AFF4: variants seen among roughly 807,000 people sequenced by gnomAD.
The protein encoded by AFF4 is AF4/FMR2 family member 4.
Under a neutral mutation model 124.8 loss-of-function variants are expected in AFF4, and 13 were observed. The ratio of observed to expected loss-of-function variants is 0.10; its 90% CI spans 0.07 to 0.17. The LOEUF is 0.17. AFF4 is among the 10% of genes least tolerant of loss of function. AFF4 has a pLI of 1.00. For missense variants in AFF4, 1,092 were observed against 1,403.8 expected, an observed-to-expected ratio of 0.78 and a Z score of 3.55; for synonymous variants, 477 against 496.1, an observed-to-expected ratio of 0.96 and a Z score of 0.51.
At chr5:132,925,327 AT>A (rs1761146203) in intron 5 of AFF4, among the ~76,000 whole-genome samples, 1 of 152,036 alleles carries the variant, frequency 6.6e-6, no homozygotes, top group African/African-American at 2.4e-5. Flanking sequence ...AACATAAAAA[AT>A]AAAACTAAAA....
intron 5 of AFF4, among the ~76,000 whole-genome samples, chr5:132,922,198 G>A (rs554964188): frequency 7.2e-5 from 11 of 152,162 alleles, no homozygotes; most frequent in East Asian, 1.9e-4. Flanking sequence ...CAGGAGGACC[G>A]CTTGAGCCCA....
intron 4 of AFF4, among the ~76,000 whole-genome samples, chr5:132,931,817 G>A (rs1761306411): frequency 6.6e-6 from 1 of 152,022 alleles, no homozygotes; most frequent in South Asian, 2.1e-4. Flanking sequence ...GATGGCGGGA[G>A]CCTGTAATCC....
intron 1 of AFF4, among the ~76,000 whole-genome samples, chr5:132,949,713 C>T (rs1224189138): frequency 6.6e-6 from 1 of 151,410 alleles, no homozygotes. Context: ...CGCGCGCGCG[C>T]GCGCCAGGCG....
intron 4 of AFF4, among the ~76,000 whole-genome samples, chr5:132,929,328 G>A (rs1276493428): frequency 6.6e-6 from 1 of 151,932 alleles, no homozygotes; most frequent in Non-Finnish European, 1.5e-5. Flanking sequence ...TTAACTAAAG[G>A]CCAAGTGCCA....
At chr5:132,959,987 C>T (rs1432227905) in intron 1 of AFF4, among the ~76,000 whole-genome samples, 1 of 151,920 alleles carries the variant, frequency 6.6e-6, no homozygotes, top group Non-Finnish European at 1.5e-5. Context: ...GATCTCCTGA[C>T]CTCGTGATCC....
rs1402167231 is a variant in AFF4 at position 132,876,790 on chromosome 5, C to T, written c.*4269G>A. On this transcript the variant is annotated 3_prime_UTR_variant, in exon 21 of 21. Transcript: ENST00000265343. ...GTAAGACCAGCATCCACTTTACAGA[C>T]TATTAATAATTTACTTTTTGTCACT... 5.0e-6 allele frequency: 1 copy of T among 198,028 alleles called. No homozygotes were observed. The highest frequency in any genetic ancestry group is 2.3e-5 in the African/African-American group (1 of 43,386). 12.3% of individuals were successfully genotyped at this position (198,028 alleles called of 1,614,324 possible).
intron 5 of AFF4, among the ~76,000 whole-genome samples, chr5:132,925,431 G>T (rs1469397083): frequency 6.6e-6 from 1 of 151,692 alleles, no homozygotes; most frequent in South Asian, 2.1e-4. Flanking sequence ...AACTATAAAG[G>T]AAGAGAAAGA....
chr5:132,958,768 A>C (rs911672534), intron 1 of AFF4, among the ~76,000 whole-genome samples: 2 of 152,128 alleles, frequency 1.3e-5, no homozygotes, highest in Non-Finnish European at 2.9e-5. Context: ...GAAAAGGAAA[A>C]GTCATAACCC....
chr5:132,934,577 C>A lies in AFF4; in HGVS notation c.488G>T (p.Ser163Ile). ...TGATCCATGCTGGCCTTTTTTCCGG[C>A]TACTGCTCCCACTATTGTTATATGA... ...RESYNNSGSSSRKKGQHGSEH... is the reference protein window; with the variant it reads ...RESYNNSGSSIRKKGQHGSEH... Residue 163 changes from serine to isoleucine, a missense_variant, in exon 3 of 21, where the codon AGC (serine) becomes ATC (isoleucine). Around this residue, in one of 11 missense-constraint regions of AFF4, gnomAD observed 188 missense variants for 203.0 expected, o/e 0.93. Transcript: ENST00000265343. The A allele has an allele frequency of 6.2e-7, 1 of 1,614,150 alleles. No homozygotes were observed. Among genetic ancestry groups the A allele is most frequent in the South Asian group, 1.1e-5 (1 of 91,078 alleles).
Position 132,883,329 on chromosome 5 carries a change from A to C in AFF4, c.3364+11T>G, listed in dbSNP as rs1348926366. The C allele has an allele frequency of 6.2e-7, 1 of 1,612,880 alleles. No homozygotes were observed. Among genetic ancestry groups the C allele is most frequent in the Non-Finnish European group, 8.5e-7 (1 of 1,179,140 alleles). ...TTCCATCCCTTGAAGTTTATCCAGAAACCTACCTACCTTTTTGCTCTTTGG... is the reference window on the plus strand; with the variant it reads ...TTCCATCCCTTGAAGTTTATCCAGACACCTACCTACCTTTTTGCTCTTTGG... On this transcript the variant is annotated intron_variant, in intron 20 of 20. Transcript: ENST00000265343.
At chr5:132,947,486 GTT>G (rs1275145066) in intron 1 of AFF4, among the ~76,000 whole-genome samples, 1 of 151,498 alleles carries the variant, frequency 6.6e-6, no homozygotes. Context: ...TTGTTACAAT[GTT>G]TTTTGTTTTT....
Position 132,932,235 on chromosome 5 carries a change from A to C in AFF4, c.919-13T>G. On this transcript the variant is annotated splice_polypyrimidine_tract_variant and intron_variant, in intron 3 of 20. Transcript: ENST00000265343. ...CAGAAGCTGATGCCTTGAAAGAAAAAGCAGCACACATTAGATTTTTATCAG... is the reference window on the plus strand; with the variant it reads ...CAGAAGCTGATGCCTTGAAAGAAAACGCAGCACACATTAGATTTTTATCAG... 6.2e-7 allele frequency: 1 copy of C among 1,603,318 alleles called. No homozygotes were observed. The highest frequency in any genetic ancestry group is 8.5e-7 in the Non-Finnish European group (1 of 1,175,232).
intron 5 of AFF4, among the ~76,000 whole-genome samples, chr5:132,904,987 T>C (rs979156314): frequency 8.7e-5 from 13 of 149,850 alleles, no homozygotes; most frequent in African/African-American, 1.2e-4. Context: ...GAGGCGGAGG[T>C]TGCAGTGAGC....
At chr5:132,904,329 T>C (rs773049840) in intron 6 of AFF4, 39 bp downstream of exon 6, 2 of 1,580,538 alleles carry the variant, frequency 1.3e-6, no homozygotes, top group Non-Finnish European at 1.7e-6. Context: ...GTTCAATAAA[T>C]AGCTTAATTT....
At chr5:132,908,642 A>G (rs1421296877) in intron 5 of AFF4, among the ~76,000 whole-genome samples, 1 of 151,322 alleles carries the variant, frequency 6.6e-6, no homozygotes, top group Non-Finnish European at 1.5e-5. Flanking sequence ...GTTTTTTGGT[A>G]ACAAAAAACT....
chr5:132,952,866 C>G lies in AFF4; in HGVS notation c.-5+10393G>C, dbSNP rs141106609. ...TGAGCCAAGATCGTACCACTGCACT[C>G]TAGTTTAAGTGACGGAGTGAGACTC... On this transcript the variant is annotated intron_variant, in intron 1 of 20. Coordinates refer to ENST00000265343, the MANE Select transcript of AFF4 (RefSeq NM_014423.4). Among the ~76,000 whole-genome samples the G allele has an allele frequency of 3.3e-5, 5 of 151,978 alleles. No homozygotes were observed. The East Asian group carries it at 9.7e-4, about 30-fold the overall frequency.
chr5:132,955,824 A>G (rs978113820), intron 1 of AFF4, among the ~76,000 whole-genome samples: 1 of 146,206 alleles, frequency 6.8e-6, no homozygotes, highest in African/African-American at 2.5e-5. Flanking sequence ...ACACACACAC[A>G]CACAAAATAT....
In AFF4 at chr5:132,927,180, GA is replaced by G; in HGVS notation, c.990del (p.Leu331Ter). On this transcript the variant is annotated frameshift_variant, in exon 5 of 21. Transcript: ENST00000265343. LOFTEE classifies it high-confidence loss of function. ...TTGCATGGTGTATGAATAGCCGTTA[GA>G]GGGGGAGGCCATGAATGCGTCATCT... ...LKEMTHSWPPPLTAIHTPCKT... is the reference protein window; with the variant it reads ...LKEMTHSWPPXLTAIHTPCKT... 6.2e-7 allele frequency: 1 copy of G among 1,611,332 alleles called. No homozygotes were observed. The highest frequency in any genetic ancestry group is 8.5e-7 in the Non-Finnish European group (1 of 1,179,158).
In AFF4 at chr5:132,881,375, C is replaced by A. The variant is rs73788218; in HGVS notation, c.3365-189G>T. ...CTCAAGTTACATTTGTTCCCTAAGT[C>A]ATGCAACATTTTAAACAGAATGTAT... On this transcript the variant is annotated intron_variant, in intron 20 of 20. Coordinates refer to ENST00000265343, the MANE Select transcript of AFF4 (RefSeq NM_014423.4). Among the ~76,000 whole-genome samples, 2,244 of 152,226 alleles carry A rather than the reference C, an allele frequency of 0.015. 65 individuals are homozygous for A. The highest frequency in any genetic ancestry group is 0.052 in the African/African-American group (2,150 of 41,516).
Sources: allele counts gnomAD v4.1 joint callset (sites outside exome capture counted in the v4.1 genomes callset), GRCh38; gene constraint gnomAD v4.1.1; regional missense constraint gnomAD v4.1.1; transcripts MANE v1.5; gene names NCBI Gene and HGNC (gene_info 2026-07-23, HGNC 2026-07-21).